SYT1: variants seen among roughly 807,000 people sequenced by gnomAD.
The protein encoded by SYT1 is synaptotagmin 1.
Under a neutral mutation model 44.8 loss-of-function variants are expected in SYT1, and 8 were observed. The observed-to-expected ratio is 0.18, with a 90% CI of 0.10 to 0.32. SYT1 has a LOEUF of 0.32. SYT1 is among the 10% of genes least tolerant of loss of function. The pLI, the probability that SYT1 is intolerant of heterozygous loss-of-function variation, is 1.00. For synonymous variants in SYT1, 154 were observed against 188.8 expected, an observed-to-expected ratio of 0.82 and a Z score of 1.51; for missense variants, 286 against 509.3, an observed-to-expected ratio of 0.56 and a Z score of 4.22.
At chr12:79,268,277 A>G (rs1174782861) in intron 4 of SYT1, among the ~76,000 whole-genome samples, 1 of 152,208 alleles carries the variant, frequency 6.6e-6, no homozygotes, top group Non-Finnish European at 1.5e-5. Flanking sequence ...TTAAATGTTA[A>G]GGATTTTTAA....
intron 4 of SYT1, among the ~76,000 whole-genome samples, chr12:79,225,120 GAA>G (rs200287362): frequency 2.3e-4 from 30 of 129,444 alleles, no homozygotes; most frequent in African/African-American, 7.1e-4. Context: ...TGCTACAGTG[GAA>G]AAAAAAAAAA....
At chr12:78,976,395 T>C (rs776100411) in intron 1 of SYT1, among the ~76,000 whole-genome samples, 1 of 152,214 alleles carries the variant, frequency 6.6e-6, no homozygotes, top group African/African-American at 2.4e-5. Context: ...AAAACTCTCT[T>C]GTGAAGAATC....
intron 2 of SYT1, chr12:78,995,809 G>C (rs1013182320): frequency 6.6e-6 from 1 of 152,154 alleles, no homozygotes; most frequent in African/African-American, 2.4e-5. Context: ...AGGTTTACCA[G>C]ATGGATTAAA....
chr12:78,865,936 T>C (rs1873520295), intron 1 of SYT1, among the ~76,000 whole-genome samples: 1 of 151,770 alleles, frequency 6.6e-6, no homozygotes, highest in African/African-American at 2.4e-5. Context: ...AAAAAACAAT[T>C]AAAATAGATT....
intron 9 of SYT1, among the ~76,000 whole-genome samples, chr12:79,426,275 C>T (rs975889937): frequency 5.9e-5 from 9 of 152,100 alleles, no homozygotes; most frequent in African/African-American, 2.2e-4. Context: ...TTTGTCTAAT[C>T]TTCACTCCTA....
Position 79,132,448 on chromosome 12 carries a change from C to CAAAA in SYT1, c.-17-85044_-17-85041dup, listed in dbSNP as rs201209266. Among the ~76,000 whole-genome samples the CAAAA allele has an allele frequency of 1.3e-4, 15 of 114,204 alleles. 1 individual carries two copies. Among genetic ancestry groups the CAAAA allele is most frequent in the African/African-American group, 4.8e-4 (15 of 30,976 alleles). The allele number at this position is 114,204 out of a possible 152,430, so 74.9% of individuals were successfully genotyped here. A position where few individuals can be genotyped will look rare whatever the true frequency, so the allele number is the denominator to read the frequency against. On this transcript the variant is annotated intron_variant, in intron 3 of 10. Coordinates refer to ENST00000261205, the MANE Select transcript of SYT1 (RefSeq NM_005639.3). ...TGAGCGACAGAGCAAGATTCCGTCT[C>CAAAA]AAAAAAAAAAAAAATGCAAATGGCC... is the stretch of plus-strand genomic sequence containing the variant.
intron 9 of SYT1, among the ~76,000 whole-genome samples, chr12:79,373,714 T>A (rs1883883043): frequency 6.6e-6 from 1 of 152,194 alleles, no homozygotes; most frequent in Non-Finnish European, 1.5e-5. Context: ...TTATTTTTTT[T>A]AAATCAAAAC....
Position 79,047,332 on chromosome 12 carries a change from A to G in SYT1, c.-48A>G, listed in dbSNP as rs1277987952. The G allele has an allele frequency of 6.6e-6, 1 of 151,890 alleles. No homozygotes were observed. Among genetic ancestry groups the G allele is most frequent in the Non-Finnish European group, 1.5e-5 (1 of 67,796 alleles). 9.4% of individuals were successfully genotyped at this position (151,890 alleles called of 1,614,324 possible). ...TAATTCTGAAAGAAAGAAAACAAAG[A>G]AAAACATACTCCAGAATTCCTAATA... On this transcript the variant is annotated 5_prime_UTR_variant, in exon 3 of 11. Coordinates refer to ENST00000261205, the MANE Select transcript of SYT1 (RefSeq NM_005639.3).
At chr12:79,146,731 T>C (rs1255401758) in intron 3 of SYT1, among the ~76,000 whole-genome samples, 11 of 152,342 alleles carry the variant, frequency 7.2e-5, no homozygotes, top group African/African-American at 2.4e-4. Context: ...ACAGAGGCCA[T>C]TGAAGTTCAT....
chr12:79,113,054 A>G (rs1879099462), intron 3 of SYT1, among the ~76,000 whole-genome samples: 1 of 152,188 alleles, frequency 6.6e-6, no homozygotes, highest in Non-Finnish European at 1.5e-5. Flanking sequence ...GAACAAGCCC[A>G]GATATCTATC....
intron 1 of SYT1, among the ~76,000 whole-genome samples, chr12:78,973,801 T>C (rs1349895034): frequency 1.3e-5 from 2 of 150,136 alleles, no homozygotes; most frequent in African/African-American, 4.9e-5. Context: ...CTACCACTGT[T>C]ATATGCCAAG....
At chr12:79,100,114 T>C (rs1226899705) in intron 3 of SYT1, among the ~76,000 whole-genome samples, 2 of 152,158 alleles carry the variant, frequency 1.3e-5, no homozygotes, top group African/African-American at 2.4e-5. Context: ...TAAATAATAA[T>C]AACGAACATT....
At chr12:79,309,420 G>A (rs768815261) in intron 8 of SYT1, among the ~76,000 whole-genome samples, 2 of 151,626 alleles carry the variant, frequency 1.3e-5, no homozygotes, top group Non-Finnish European at 2.9e-5. Flanking sequence ...TCTCTTTGAG[G>A]CCAGCTTCAG....
chr12:78,928,240 G>T (rs1877413705), intron 1 of SYT1, among the ~76,000 whole-genome samples: 1 of 152,066 alleles, frequency 6.6e-6, no homozygotes, highest in South Asian at 2.1e-4. Context: ...AGTGATGCCT[G>T]GAACTGCAGA....
At chr12:78,924,745 C>T (rs1877207991) in intron 1 of SYT1, among the ~76,000 whole-genome samples, 1 of 150,738 alleles carries the variant, frequency 6.6e-6, no homozygotes, top group Admixed American at 6.7e-5. Context: ...CTTCTACGTC[C>T]TTTTGATGTG....
At chr12:79,330,478 A>T (rs1425618623) in intron 8 of SYT1, among the ~76,000 whole-genome samples, 2 of 152,202 alleles carry the variant, frequency 1.3e-5, no homozygotes, top group Non-Finnish European at 2.9e-5. Context: ...AAGAGCATGG[A>T]TGTCTGTGCT....
chr12:79,179,528 TATAGATATAGATATAGAG>T (rs1872361524), intron 3 of SYT1, among the ~76,000 whole-genome samples: 1 of 140,392 alleles, frequency 7.1e-6, no homozygotes, highest in African/African-American at 2.7e-5. Flanking sequence ...TCTATATAGA[TATAGATATAGATATAGAG>T]ATATAGATAT....
intron 1 of SYT1, among the ~76,000 whole-genome samples, chr12:78,970,268 C>A (rs570444262): frequency 3.3e-4 from 50 of 152,240 alleles, no homozygotes; most frequent in Non-Finnish European, 5.4e-4. Context: ...CCATTGCAAA[C>A]CTCCAATAAA....
At chr12:79,297,895 T>C (rs1257672252) in intron 7 of SYT1, among the ~76,000 whole-genome samples, 3 of 152,166 alleles carry the variant, frequency 2.0e-5, no homozygotes, top group African/African-American at 4.8e-5. Context: ...CCCAAAACAG[T>C]TATCTGAAGG....
Sources: allele counts gnomAD v4.1 joint callset (sites outside exome capture counted in the v4.1 genomes callset), GRCh38; gene constraint gnomAD v4.1.1; transcripts MANE v1.5; gene names NCBI Gene and HGNC (gene_info 2026-07-23, HGNC 2026-07-21).